ELAVL2: variants seen among roughly 807,000 people sequenced by gnomAD.
The protein encoded by ELAVL2 is ELAV like RNA binding protein 2, also known as ELAV-like protein 2.
Under a neutral mutation model 34.6 loss-of-function variants are expected in ELAVL2, and 4 were observed. The ratio of observed to expected loss-of-function variants is 0.12; its 90% confidence interval spans 0.06 to 0.26. The LOEUF (loss-of-function observed/expected upper bound fraction) is 0.26, where lower values mean the gene tolerates loss of function less well. Among genes scored for constraint, ELAVL2 ranks in the 10% least tolerant of loss-of-function variants. The pLI, the probability that ELAVL2 is intolerant of heterozygous loss-of-function variation, is 1.00. For synonymous variants in ELAVL2, 193 were observed against 154.8 expected (o/e 1.25, Z -1.83); for missense variants, 432 against 442.8 (o/e 0.98, Z 0.22).
chr9:23,744,791 A>G (rs1397410674), intron 2 of ELAVL2, among the ~76,000 whole-genome samples: 1 of 152,124 alleles, frequency 6.6e-6, no homozygotes, highest in Non-Finnish European at 1.5e-5. Context: ...CTAATAGTAA[A>G]GGAATTAGAA....
intron 1 of ELAVL2, chr9:23,779,201 T>C (rs1434095994): frequency 3.0e-6 from 3 of 985,324 alleles, no homozygotes; most frequent in South Asian, 9.4e-5. Flanking sequence ...AGGAGGTAAG[T>C]GGGGAAGGAA....
chr9:23,812,198 T>C (rs1437969980), intron 1 of ELAVL2, among the ~76,000 whole-genome samples: 2 of 152,134 alleles, frequency 1.3e-5, no homozygotes, highest in Non-Finnish European at 2.9e-5. Context: ...GGGCACTTTA[T>C]ACAAGTCTCA....
intron 1 of ELAVL2, among the ~76,000 whole-genome samples, chr9:23,776,259 G>T (rs1238321691): frequency 6.6e-6 from 1 of 152,160 alleles, no homozygotes; most frequent in Non-Finnish European, 1.5e-5. Flanking sequence ...CATATTGTAA[G>T]CTCAAACTTC....
chr9:23,789,477 T>G (rs2060090210), intron 1 of ELAVL2, among the ~76,000 whole-genome samples: 1 of 152,230 alleles, frequency 6.6e-6, no homozygotes, highest in Admixed American at 6.5e-5. Context: ...TTCAAAATAG[T>G]AATACAATTC....
intron 1 of ELAVL2, among the ~76,000 whole-genome samples, chr9:23,767,724 G>A (rs544401002): frequency 6.6e-6 from 1 of 152,144 alleles, no homozygotes; most frequent in Non-Finnish European, 1.5e-5. Flanking sequence ...AGTCAGCAGA[G>A]ATCACACCAC....
chr9:23,697,139 G>T (rs1419229107), intron 5 of ELAVL2, among the ~76,000 whole-genome samples: 1 of 151,966 alleles, frequency 6.6e-6, no homozygotes, highest in East Asian at 1.9e-4. Flanking sequence ...AGATATGGAG[G>T]ATTAGACTGG....
intron 1 of ELAVL2, among the ~76,000 whole-genome samples, chr9:23,809,692 T>C (rs976173412): frequency 3.9e-5 from 6 of 152,174 alleles, no homozygotes; most frequent in Non-Finnish European, 7.4e-5. Context: ...CCTCCACAAA[T>C]TTTCCTGAAT....
chr9:23,846,462 A>G, the ELAVL2 span, among the ~76,000 whole-genome samples: 1 of 152,076 alleles, frequency 6.6e-6, no homozygotes, highest in East Asian at 1.9e-4. Context: ...AAAATGAAAA[A>G]TTAAATCCCA....
chr9:23,734,822 CA>C (rs112073976), intron 2 of ELAVL2, among the ~76,000 whole-genome samples: 40 of 149,694 alleles, frequency 2.7e-4, no homozygotes, highest in South Asian at 2.1e-4. Flanking sequence ...GCAAACATTA[CA>C]AAAAAAAATA....
the ELAVL2 span, among the ~76,000 whole-genome samples, chr9:23,833,315 A>G: frequency 3.6e-4 from 54 of 151,990 alleles, no homozygotes; most frequent in Middle Eastern, 0.012. Context: ...TGCTTGTTAG[A>G]AAACAAGTTT....
intron 3 of ELAVL2, 47 bp downstream of exon 3, chr9:23,730,975 T>C: frequency 6.5e-7 from 1 of 1,536,536 alleles, no homozygotes; most frequent in Non-Finnish European, 8.9e-7. Flanking sequence ...TCTTAATTTT[T>C]TTAAACTTCT....
chr9:23,744,244 G>T (rs1050255218), intron 2 of ELAVL2, among the ~76,000 whole-genome samples: 2 of 152,154 alleles, frequency 1.3e-5, no homozygotes, highest in African/African-American at 2.4e-5. Context: ...GTGCGTGTTA[G>T]AATCACTCTT....
chr9:23,737,511 C>A (rs1217906848), intron 2 of ELAVL2, among the ~76,000 whole-genome samples: 2 of 152,122 alleles, frequency 1.3e-5, no homozygotes, highest in South Asian at 4.1e-4. Flanking sequence ...TAAATCTGTT[C>A]CACAAATCGG....
chr9:23,816,317 T>TAAAAAAAAAAAAAAAAAAAAAAAAAAAAA, intron 1 of ELAVL2, among the ~76,000 whole-genome samples: 1 of 44,696 alleles, frequency 2.2e-5, no homozygotes, highest in Non-Finnish European at 3.8e-5. Flanking sequence ...AAGCTTTCAG[T>TAAAAAAAAAAAAAAAAAAAAAAAAAAAAA]AAAAAAAAAA....
rs1464560253 is a variant in ELAVL2 at position 23,691,586 on chromosome 9, A to G, written c.*971T>C. 1.3e-5 allele frequency: 2 copies of G among 152,258 alleles called. No individual in the cohort carries two copies. Among genetic ancestry groups the G allele is most frequent in the African/African-American group, 4.8e-5 (2 of 41,334 alleles). 9.4% of individuals were successfully genotyped at this position (152,258 alleles called of 1,614,324 possible). ...ATATATTCTTTTGTAAATTTTTTTT[A>G]TTTGTTTCAAAATCACAAATCAATG... On this transcript the variant is annotated 3_prime_UTR_variant, in exon 7 of 7. Coordinates refer to ENST00000397312, the MANE Select transcript of ELAVL2 (RefSeq NM_004432.5).
intron 1 of ELAVL2, among the ~76,000 whole-genome samples, chr9:23,783,973 T>A (rs1389752860): frequency 6.6e-6 from 1 of 150,666 alleles, no homozygotes; most frequent in African/African-American, 2.5e-5. Context: ...GGCGCGTGGA[T>A]CACGAGGTCA....
chr9:23,810,087 CA>C lies in ELAVL2; in HGVS notation c.-16+15718del, dbSNP rs1218700552. On this transcript the variant is annotated intron_variant, in intron 1 of 6. Transcript: ENST00000397312. ...AACAGCCCTTACAGATTATCTACTA[CA>C]ATGAGCCAGGGTTATCTCAATGTCA... 5.9e-5 allele frequency among the ~76,000 whole-genome samples: 9 copies of C among 152,172 alleles called. No homozygotes were observed. The Middle Eastern group carries it at 0.01, about 173-fold the overall frequency.
At chr9:23,783,413 C>A in intron 1 of ELAVL2, 1 of 982,796 alleles carries the variant, frequency 1.0e-6, no homozygotes, top group South Asian at 4.7e-5. Context: ...CATGTAACTT[C>A]AGAGAGCATG....
At chr9:23,721,609 T>C (rs2043745895) in intron 3 of ELAVL2, among the ~76,000 whole-genome samples, 1 of 152,142 alleles carries the variant, frequency 6.6e-6, no homozygotes, top group East Asian at 1.9e-4. Context: ...CCTGTACTGT[T>C]TTCAAAATAC....
Sources: allele counts gnomAD v4.1 joint callset (sites outside exome capture counted in the v4.1 genomes callset), GRCh38; gene constraint gnomAD v4.1.1; transcripts MANE v1.5; gene names NCBI Gene and HGNC (gene_info 2026-07-23, HGNC 2026-07-21).